Variants in GALNT18 observed in about 807,000 individuals in gnomAD.
The protein encoded by GALNT18 is GalNAc-transferase 18.
A neutral mutation model predicts 69.5 loss-of-function variants in GALNT18; 44 were observed. That is an observed-to-expected ratio of 0.63 (90% CI 0.50 to 0.81). GALNT18 has a LOEUF of 0.81. Among genes scored for constraint, GALNT18 ranks in the 40% least tolerant of loss-of-function variants. The pLI, the probability that GALNT18 is intolerant of heterozygous loss-of-function variation, is 0.00. For missense variants in GALNT18, 715 were observed against 810.0 expected, an observed-to-expected ratio of 0.88 and a Z score of 1.42; for synonymous variants, 364 against 318.2, an observed-to-expected ratio of 1.14 and a Z score of -1.53.
chr11:11,348,402 A>C (rs2133063877), intron 6 of GALNT18, among the ~76,000 whole-genome samples: 1 of 151,768 alleles, frequency 6.6e-6, no homozygotes, highest in South Asian at 2.1e-4. Context: ...AAAAAAAAAA[A>C]AGGAAGAGAG....
chr11:11,456,186 C>G (rs1213042942), intron 1 of GALNT18, among the ~76,000 whole-genome samples: 1 of 152,162 alleles, frequency 6.6e-6, no homozygotes, highest in East Asian at 1.9e-4. Context: ...TTCCCTAGTA[C>G]AGTGTACCCC....
intron 9 of GALNT18, among the ~76,000 whole-genome samples, chr11:11,323,340 A>T (rs1290062036): frequency 3.3e-5 from 5 of 152,250 alleles, no homozygotes; most frequent in African/African-American, 1.2e-4. Flanking sequence ...CCAAAACACA[A>T]CTGTGGGAAA....
At chr11:11,544,519 C>T (rs1457750076) in intron 1 of GALNT18, among the ~76,000 whole-genome samples, 2 of 152,188 alleles carry the variant, frequency 1.3e-5, no homozygotes, top group African/African-American at 4.8e-5. Context: ...AGACATGACT[C>T]CTGCTCTTAA....
chr11:11,398,412 A>G (rs898011292), intron 3 of GALNT18, among the ~76,000 whole-genome samples: 10 of 152,202 alleles, frequency 6.6e-5, no homozygotes, highest in Non-Finnish European at 1.3e-4. Flanking sequence ...AGCACTTTTC[A>G]CTAATTCATT....
At chr11:11,551,860 C>T (rs4282974) in intron 1 of GALNT18, among the ~76,000 whole-genome samples, 139,136 of 152,134 alleles carry the variant, frequency 0.91, 63,788 homozygotes, top group African/African-American at 0.93. Context: ...GAGCAATGTT[C>T]TGCGAGCAGG....
chr11:11,595,684 T>C lies in GALNT18; in HGVS notation c.235+25675A>G, dbSNP rs1373658575. The stretch of plus-strand genomic sequence containing the variant: ...GGTTACTGAACATTTGTATATCTTC[T>C]TCAGAGAATTTGTCTATTGAGATGT... On this transcript the variant is annotated intron_variant, in intron 1 of 10. Coordinates refer to ENST00000227756, the MANE Select transcript of GALNT18 (RefSeq NM_198516.3). This position sits in a 1 kb window ranked among gnomAD's most constrained non-coding sequence, Gnocchi z 5.2. 6.6e-6 allele frequency among the ~76,000 whole-genome samples: 1 copy of C among 152,236 alleles called. No individual in the cohort carries two copies. The highest frequency in any genetic ancestry group is 1.5e-5 in the Non-Finnish European group (1 of 68,046).
At chr11:11,504,762 T>A (rs1006456927) in intron 1 of GALNT18, among the ~76,000 whole-genome samples, 2 of 150,572 alleles carry the variant, frequency 1.3e-5, no homozygotes. Flanking sequence ...CATCTCAAAA[T>A]ATATATATAT....
chr11:11,615,212 C>T lies in GALNT18; in HGVS notation c.235+6147G>A, dbSNP rs150987644. Among the ~76,000 whole-genome samples the T allele has an allele frequency of 6.3e-4, 96 of 152,306 alleles. 1 individual carries two copies. In the East Asian group the frequency reaches 8.1e-3, roughly 13 times the overall value. On this transcript the variant is annotated intron_variant, in intron 1 of 10. Transcript: ENST00000227756. ...AGTCAAAGCTCAGATGAGAAGAACA[C>T]GAGCCAATTCTAAGTAACATCCATA... is the stretch of plus-strand genomic sequence containing the variant.
chr11:11,446,570 G>A (rs571024603), intron 2 of GALNT18, among the ~76,000 whole-genome samples: 2 of 152,204 alleles, frequency 1.3e-5, no homozygotes, highest in South Asian at 4.2e-4. Context: ...TCTGTGGACT[G>A]AGGCCCCATG....
At chr11:11,534,644 T>C (rs1362821887) in intron 1 of GALNT18, among the ~76,000 whole-genome samples, 3 of 152,240 alleles carry the variant, frequency 2.0e-5, no homozygotes, top group Non-Finnish European at 2.9e-5. Context: ...TGCCATTCTA[T>C]GTGACTTGAA....
chr11:11,557,598 T>C (rs1407568794), intron 1 of GALNT18, among the ~76,000 whole-genome samples: 1 of 152,170 alleles, frequency 6.6e-6, no homozygotes, highest in African/African-American at 2.4e-5. Context: ...TCAGATGAGT[T>C]GTACTTTAAA....
chr11:11,557,676 T>G (rs1240579569), intron 1 of GALNT18, among the ~76,000 whole-genome samples: 1 of 152,198 alleles, frequency 6.6e-6, no homozygotes, highest in African/African-American at 2.4e-5. Context: ...GCTATCAGTT[T>G]GCATCCCTAC....
chr11:11,529,963 A>C (rs997739836), intron 1 of GALNT18, among the ~76,000 whole-genome samples: 2 of 152,162 alleles, frequency 1.3e-5, no homozygotes, highest in Admixed American at 1.3e-4. Context: ...GGACCTCAGC[A>C]CTGAAGGGTG....
At chr11:11,284,703 C>T (rs964563460) in intron 10 of GALNT18, among the ~76,000 whole-genome samples, 1 of 152,068 alleles carries the variant, frequency 6.6e-6, no homozygotes, top group African/African-American at 2.4e-5. Context: ...GGCAAGCAGC[C>T]CAGTGGGTCT....
chr11:11,370,414 C>G (rs11021822), intron 6 of GALNT18, among the ~76,000 whole-genome samples: 8 of 151,992 alleles, frequency 5.3e-5, no homozygotes. Flanking sequence ...GTTTTGCTGA[C>G]GATCAGTGGT....
chr11:11,290,745 G>T (rs1476958031), intron 10 of GALNT18, among the ~76,000 whole-genome samples: 2 of 152,068 alleles, frequency 1.3e-5, no homozygotes, highest in Non-Finnish European at 2.9e-5. Flanking sequence ...CTTCCTGCAT[G>T]GTTCCATTCG....
chr11:11,293,111 A>G lies in GALNT18; in HGVS notation c.1595T>C (p.Val532Ala). ...TVDDDDNRCL[V>A]DVNSRPRLIE... ...GAGCCGGGGCCGGCTGTTGACGTCC[A>G]CCAGGCATCGGTTGTCATCATCATC... Residue 532 changes from valine (V) to alanine (A), a missense_variant, in exon 10 of 11, where the codon GTG becomes GCG. Coordinates refer to ENST00000227756, the MANE Select transcript of GALNT18 (RefSeq NM_198516.3). 7.3e-7 allele frequency: 1 copy of G among 1,378,082 alleles called. No individual in the cohort carries two copies. The highest frequency in any genetic ancestry group is 9.5e-7 in the Non-Finnish European group (1 of 1,056,498). 85.4% of individuals were successfully genotyped at this position (1,378,082 alleles called of 1,614,324 possible).
rs747145401 is a variant in GALNT18, at chr11:11,352,263, T to G, written c.1093-11259A>C. The G allele has an allele frequency of 2.9e-5, 47 of 1,614,104 alleles. 1 individual carries two copies. The highest frequency in any genetic ancestry group is 1.6e-4 in the Middle Eastern group (1 of 6,062). On this transcript the variant is annotated intron_variant, in intron 6 of 10. Coordinates refer to ENST00000227756, the MANE Select transcript of GALNT18 (RefSeq NM_198516.3). The stretch of plus-strand genomic sequence containing the variant: ...GCTGACAAGGTGCTGATTTTCACTG[T>G]GGACAAAGCGTTCCCATCGCTTTCG...
intron 1 of GALNT18, among the ~76,000 whole-genome samples, chr11:11,451,450 T>G (rs936845113): frequency 6.6e-6 from 1 of 152,162 alleles, no homozygotes; most frequent in African/African-American, 2.4e-5. Context: ...CATATTAAAG[T>G]CCTGGTGACA....
Sources: gnomAD v4.1 joint callset for allele counts (sites outside exome capture counted in the v4.1 genomes callset) on GRCh38, gnomAD v4.1.1 for gene constraint, Gnocchi (gnomAD v3.1) non-coding constraint, MANE v1.5 for transcripts, NCBI Gene and HGNC (gene_info 2026-07-23, HGNC 2026-07-21) for gene names.